The following ATRNL1 variants were observed in gnomAD, a reference collection of about 807,000 sequenced individuals.
ATRNL1 encodes the protein attractin like 1, also known as attractin-like protein 1.
In ATRNL1, 95 loss-of-function variants were observed where a neutral mutation model predicts 182.7. That is an observed-to-expected ratio of 0.52 (90% CI 0.44 to 0.62). The LOEUF (loss-of-function observed/expected upper bound fraction) is 0.62. ATRNL1 is among the 20% of genes least tolerant of loss of function. The pLI is 0.00. For missense variants in ATRNL1, 1,471 were observed against 1,679.5 expected, an observed-to-expected ratio of 0.88 and a Z score of 2.17; for synonymous variants, 576 against 568.3, an observed-to-expected ratio of 1.01 and a Z score of -0.19.
At chr10:115,710,408 G>T (rs575871245) in intron 26 of ATRNL1, among the ~76,000 whole-genome samples, 1 of 152,124 alleles carries the variant, frequency 6.6e-6, no homozygotes, top group Non-Finnish European at 1.5e-5. Flanking sequence ...GAAAGTGTGT[G>T]TAGTCATAAT....
At chr10:115,794,331 C>T (rs1462329580) in intron 27 of ATRNL1, among the ~76,000 whole-genome samples, 1 of 152,082 alleles carries the variant, frequency 6.6e-6, no homozygotes, top group Non-Finnish European at 1.5e-5. Flanking sequence ...AAAAAAGGAA[C>T]ATTTTCCACA....
intron 21 of ATRNL1, among the ~76,000 whole-genome samples, chr10:115,445,963 G>T (rs1356563361): frequency 6.6e-6 from 1 of 151,992 alleles, no homozygotes; most frequent in East Asian, 1.9e-4. Context: ...ATATTTTATT[G>T]TGTGAACATA....
At chr10:115,457,715 C>G (rs558091859) in intron 21 of ATRNL1, among the ~76,000 whole-genome samples, 1 of 152,144 alleles carries the variant, frequency 6.6e-6, no homozygotes, top group African/African-American at 2.4e-5. Context: ...ACATGTCCCT[C>G]CCTGCTCTCT....
intron 10 of ATRNL1, among the ~76,000 whole-genome samples, chr10:115,262,173 G>T (rs11197140): frequency 0.22 from 32,579 of 145,924 alleles, 4,538 homozygotes; most frequent in Non-Finnish European, 0.31. Flanking sequence ...GGGGGCAGTG[G>T]ATTTTTTTTT....
At chr10:115,781,280 G>A (rs565791745) in intron 27 of ATRNL1, among the ~76,000 whole-genome samples, 2 of 152,204 alleles carry the variant, frequency 1.3e-5, no homozygotes, top group South Asian at 4.1e-4. Flanking sequence ...CAACCATTTG[G>A]AAAAACAATT....
At chr10:115,874,320 G>T (rs1458010524) in intron 28 of ATRNL1, among the ~76,000 whole-genome samples, 1 of 152,128 alleles carries the variant, frequency 6.6e-6, no homozygotes, top group African/African-American at 2.4e-5. Context: ...TGCAGTTTCC[G>T]TTCTCACACT....
intron 26 of ATRNL1, among the ~76,000 whole-genome samples, chr10:115,584,462 C>G (rs1855366443): frequency 7.1e-6 from 1 of 141,518 alleles, no homozygotes; most frequent in Non-Finnish European, 1.6e-5. Flanking sequence ...TCAACTTCTT[C>G]TTGGTTTAGT....
intron 28 of ATRNL1, among the ~76,000 whole-genome samples, chr10:115,940,692 T>TCC (rs1376180021): frequency 1.7e-5 from 1 of 59,382 alleles, no homozygotes; most frequent in Non-Finnish European, 3.2e-5. Flanking sequence ...TCTCTCTCTC[T>TCC]CTCTCTTCTC....
At chr10:115,654,961 T>TCTGGGTAGG in intron 26 of ATRNL1, among the ~76,000 whole-genome samples, 1 of 152,168 alleles carries the variant, frequency 6.6e-6, no homozygotes, top group South Asian at 2.1e-4. Context: ...GAATGTTTGT[T>TCTGGGTAGG]CTGGGTAGGC....
Position 115,932,678 on chromosome 10 carries a change from AG to A in ATRNL1, c.4019-11979del, listed in dbSNP as rs201239877. On this transcript the variant is annotated intron_variant, in intron 28 of 28. Transcript: ENST00000355044. ...TTAAAACAATATTTTGACTTTGCAG[AG>A]ATCATTGTATATTTTCTATTTATTT... Among the ~76,000 whole-genome samples the A allele has an allele frequency of 9.6e-3, 1,465 of 152,344 alleles. 22 individuals carry two copies. The highest frequency in any genetic ancestry group is 0.034 in the African/African-American group (1,410 of 41,576).
chr10:115,781,191 G>A (rs1222829838), intron 27 of ATRNL1, among the ~76,000 whole-genome samples: 3 of 152,110 alleles, frequency 2.0e-5, no homozygotes, highest in Non-Finnish European at 4.4e-5. Flanking sequence ...TAAAATTAAA[G>A]ACAAGCATCA....
intron 19 of ATRNL1, among the ~76,000 whole-genome samples, chr10:115,355,386 G>A (rs1856458253): frequency 6.6e-6 from 1 of 152,072 alleles, no homozygotes; most frequent in African/African-American, 2.4e-5. Context: ...CAGGTATGCT[G>A]TACTCTTGCA....
At position 115,555,945 on chromosome 10, in the gene ATRNL1, A is replaced by G. The variant is rs1853290947; in HGVS notation, c.3795+6409A>G. Among the ~76,000 whole-genome samples, 3 of 152,108 alleles carry G rather than the reference A, an allele frequency of 2.0e-5. No individual in the cohort carries two copies. In the South Asian group the frequency reaches 6.2e-4, roughly 31 times the overall value. ...TATATATTTGCCCTTTACCTATATA[A>G]GGAATTTGTGGAGACTAGAGTGCAA... On this transcript the variant is annotated intron_variant, in intron 26 of 28. Transcript: ENST00000355044.
chr10:115,829,804 G>C (rs1950519433), intron 27 of ATRNL1, among the ~76,000 whole-genome samples: 1 of 152,094 alleles, frequency 6.6e-6, no homozygotes, highest in African/African-American at 2.4e-5. Flanking sequence ...TCATGGTTTT[G>C]TCTCTTGTCT....
At chr10:115,350,351 A>C (rs1285768567) in intron 19 of ATRNL1, among the ~76,000 whole-genome samples, 56 of 150,354 alleles carry the variant, frequency 3.7e-4, no homozygotes, top group East Asian at 7.8e-4. Context: ...AAAAAGAAAA[A>C]AAAAAAAAAA....
intron 10 of ATRNL1, among the ~76,000 whole-genome samples, chr10:115,248,494 T>G (rs1850738190): frequency 6.6e-6 from 1 of 152,202 alleles, no homozygotes; most frequent in South Asian, 2.1e-4. Flanking sequence ...TCAACTGTGA[T>G]TCGTTATCTG....
chr10:115,152,090 T>C (rs1207468748), intron 5 of ATRNL1, among the ~76,000 whole-genome samples: 10 of 152,090 alleles, frequency 6.6e-5, no homozygotes, highest in African/African-American at 2.4e-4. Context: ...TTTTGGTACC[T>C]GTACCATGCT....
chr10:115,925,473 T>G (rs761853646), intron 28 of ATRNL1, among the ~76,000 whole-genome samples: 11 of 151,778 alleles, frequency 7.2e-5, no homozygotes, highest in Non-Finnish European at 1.0e-4. Context: ...GTAAATTGGA[T>G]AAAGAGTCAA....
chr10:115,821,650 C>T (rs1419394620), intron 27 of ATRNL1, among the ~76,000 whole-genome samples: 1 of 152,096 alleles, frequency 6.6e-6, no homozygotes, highest in Non-Finnish European at 1.5e-5. Context: ...TCTGATAAAA[C>T]ATACTTTAAA....
Sources: allele counts gnomAD v4.1 joint callset (sites outside exome capture counted in the v4.1 genomes callset), GRCh38; gene constraint gnomAD v4.1.1; transcripts MANE v1.5; gene names NCBI Gene and HGNC (gene_info 2026-07-23, HGNC 2026-07-21).